FRAS1: variants seen among roughly 807,000 people sequenced by gnomAD.
FRAS1 encodes the protein Fraser extracellular matrix complex subunit 1, also known as extracellular matrix organizing protein FRAS1.
In FRAS1, 290 loss-of-function variants were observed where a neutral mutation model predicts 435.2. The observed-to-expected ratio is 0.67, with a 90% CI of 0.61 to 0.73. The LOEUF (loss-of-function observed/expected upper bound fraction) is 0.73, where lower values mean the gene tolerates loss of function less well. Ranked by LOEUF, FRAS1 falls within the 30% of genes least tolerant of loss-of-function variation. The probability of loss-of-function intolerance (pLI) is 0.00; values close to 1 mark genes in which losing one functional copy is unlikely to be tolerated. For synonymous variants in FRAS1, 1,800 were observed against 1,851.0 expected (o/e 0.97, Z 0.71); for missense variants, 4,860 against 5,001.5 (o/e 0.97, Z 0.85).
intron 70 of FRAS1, among the ~76,000 whole-genome samples, chr4:78,529,645 G>C (rs1473608159): frequency 1.3e-5 from 2 of 152,156 alleles, no homozygotes. Flanking sequence ...CCCAGTGGGT[G>C]CCTGAAACCA....
intron 27 of FRAS1, among the ~76,000 whole-genome samples, chr4:78,383,427 A>G (rs1732097403): frequency 6.6e-6 from 1 of 152,182 alleles, no homozygotes; most frequent in Non-Finnish European, 1.5e-5. Flanking sequence ...GGCTTGTTCT[A>G]CATAATAGAC....
chr4:78,269,394 A>T (rs1467832372), intron 9 of FRAS1, among the ~76,000 whole-genome samples: 1 of 152,182 alleles, frequency 6.6e-6, no homozygotes, highest in Non-Finnish European at 1.5e-5. Context: ...GTTCTACCCC[A>T]CTTTCTGCCT....
At chr4:78,179,122 T>C (rs1721898154) in intron 2 of FRAS1, among the ~76,000 whole-genome samples, 1 of 152,224 alleles carries the variant, frequency 6.6e-6, no homozygotes, top group African/African-American at 2.4e-5. Context: ...ATTCCTTTTG[T>C]TTCTCATTCT....
At chr4:78,109,618 C>T (rs2109934236) in intron 2 of FRAS1, among the ~76,000 whole-genome samples, 1 of 64,644 alleles carries the variant, frequency 1.5e-5, no homozygotes, top group South Asian at 7.2e-4. Flanking sequence ...TAAGAGCTAT[C>T]TATGACAAAC....
chr4:78,317,304 C>T, intron 16 of FRAS1, 64 bp from the exon 17 acceptor site: 2 of 1,588,594 alleles, frequency 1.3e-6, no homozygotes, highest in South Asian at 2.2e-5. Flanking sequence ...TGAAGCCCAG[C>T]CAGGAAGTGG....
chr4:78,104,166 A>G (rs1398996625), intron 2 of FRAS1, among the ~76,000 whole-genome samples: 2 of 152,242 alleles, frequency 1.3e-5, no homozygotes. Context: ...CACTCAACAC[A>G]AGGCAAAAAT....
At chr4:78,091,011 G>C (rs1052390107) in intron 2 of FRAS1, among the ~76,000 whole-genome samples, 7 of 152,228 alleles carry the variant, frequency 4.6e-5, no homozygotes, top group African/African-American at 1.7e-4. Context: ...AATTGAATTT[G>C]GGTTTTAGAA....
chr4:78,267,101 C>A, intron 8 of FRAS1, 140 bp from the exon 9 acceptor site: 1 of 945,982 alleles, frequency 1.1e-6, no homozygotes, highest in Non-Finnish European at 1.6e-6. Context: ...GGTTGAGGTG[C>A]AAGGGACCCT....
intron 4 of FRAS1, among the ~76,000 whole-genome samples, chr4:78,246,950 C>T (rs1486344022): frequency 6.6e-6 from 1 of 152,212 alleles, no homozygotes; most frequent in African/African-American, 2.4e-5. Context: ...TTTCCTGCCT[C>T]TCACTTACCT....
chr4:78,066,395 AG>A lies in FRAS1; in HGVS notation c.108+380del, dbSNP rs142753698. 6.9e-3 allele frequency among the ~76,000 whole-genome samples: 1,045 copies of A among 152,330 alleles called. 47 individuals are homozygous for A. The East Asian group carries it at 0.12, about 17-fold the overall frequency. On this transcript the variant is annotated intron_variant, in intron 2 of 73. Coordinates refer to ENST00000512123, the MANE Select transcript of FRAS1 (RefSeq NM_025074.7). The stretch of plus-strand genomic sequence containing the variant: ...CCACTTTGAACCCTTCTCCAAAAAA[AG>A]TATGATTATTAAATTAAGTAGAATA...
chr4:78,357,559 G>A (rs1360137373), intron 20 of FRAS1, among the ~76,000 whole-genome samples: 1 of 152,156 alleles, frequency 6.6e-6, no homozygotes, highest in Non-Finnish European at 1.5e-5. Flanking sequence ...GGAGAGTGTA[G>A]GGGTTGTGTT....
chr4:78,477,546 C>A (rs1442468868), intron 54 of FRAS1, among the ~76,000 whole-genome samples: 1 of 152,166 alleles, frequency 6.6e-6, no homozygotes, highest in Non-Finnish European at 1.5e-5. Flanking sequence ...AGAGTTACTA[C>A]ATGTTTTTCT....
At chr4:78,109,314 C>G (rs1192108824) in intron 2 of FRAS1, among the ~76,000 whole-genome samples, 1 of 91,648 alleles carries the variant, frequency 1.1e-5, no homozygotes, top group Non-Finnish European at 2.1e-5. Context: ...AATTTTAGAC[C>G]AATATCCTTG....
chr4:78,324,731 T>TTTC (rs1491139973), intron 18 of FRAS1, among the ~76,000 whole-genome samples: 1 of 119,436 alleles, frequency 8.4e-6, no homozygotes, highest in African/African-American at 3.0e-5. Flanking sequence ...TTTTTTTTTT[T>TTTC]CTGCATGTCA....
At chr4:78,157,531 A>C (rs1720947218) in intron 2 of FRAS1, among the ~76,000 whole-genome samples, 1 of 152,146 alleles carries the variant, frequency 6.6e-6, no homozygotes, top group Admixed American at 6.5e-5. Context: ...GTGAGATGAT[A>C]TCTCATTTGG....
At chr4:78,430,169 C>T (rs1734156042) in intron 36 of FRAS1, 123 bp from the exon 37 acceptor site, 2 of 1,141,912 alleles carry the variant, frequency 1.8e-6, no homozygotes, top group East Asian at 2.4e-5. Flanking sequence ...TGAAGCAGTG[C>T]TTTCTGATAA....
rs575261298 is a variant in FRAS1 at position 78,438,530 on chromosome 4, A to G, written c.5218-40A>G. ...AGCTACTGGAAGTGTTTATTCCTGC[A>G]AATGTGCGTTCATGTCCTGCCTCAT... On this transcript the variant is annotated intron_variant, in intron 38 of 73. Coordinates refer to ENST00000512123, the MANE Select transcript of FRAS1 (RefSeq NM_025074.7). 12 of 1,610,936 alleles carry G rather than the reference A, an allele frequency of 7.4e-6. 1 individual carries two copies. The South Asian group carries it at 1.2e-4, about 16-fold the overall frequency.
At chr4:78,258,082 T>A (rs1232122867) in intron 6 of FRAS1, among the ~76,000 whole-genome samples, 1 of 152,186 alleles carries the variant, frequency 6.6e-6, no homozygotes, top group Non-Finnish European at 1.5e-5. Context: ...GGTTCATGCT[T>A]GTGATCCCAG....
chr4:78,234,059 C>T (rs1466771462), intron 2 of FRAS1, among the ~76,000 whole-genome samples: 1 of 152,022 alleles, frequency 6.6e-6, no homozygotes, highest in South Asian at 2.1e-4. Flanking sequence ...GAGTGGGGAG[C>T]GTAAGTAAGT....
Sources: gnomAD v4.1 joint callset for allele counts (sites outside exome capture counted in the v4.1 genomes callset) on GRCh38, gnomAD v4.1.1 for gene constraint, MANE v1.5 for transcripts, NCBI Gene and HGNC (gene_info 2026-07-23, HGNC 2026-07-21) for gene names.